LYPD6B: variants seen among roughly 807,000 people sequenced by gnomAD.
LYPD6B encodes ly6/PLAUR domain-containing protein 6B.
LYPD6B carries 17 observed loss-of-function variants against 22.8 expected under a neutral mutation model. The observed-to-expected ratio is 0.75, with a 90% CI of 0.51 to 1.12. LYPD6B has a LOEUF of 1.12. Among genes scored for constraint, LYPD6B ranks in the 50% most tolerant of loss-of-function variants. The pLI, the probability that LYPD6B is intolerant of heterozygous loss-of-function variation, is 0.00. For synonymous variants in LYPD6B, 106 were observed against 91.6 expected (o/e 1.16, Z -0.90); for missense variants, 221 against 258.3 (o/e 0.86, Z 0.99).
intron 2 of LYPD6B, among the ~76,000 whole-genome samples, chr2:149,146,237 G>C (rs1313415344): frequency 6.6e-6 from 1 of 152,216 alleles, no homozygotes; most frequent in East Asian, 1.9e-4. Context: ...AGAGTGGACT[G>C]TTCTGTGAAC....
chr2:149,096,469 G>C (rs1179510885), intron 1 of LYPD6B, among the ~76,000 whole-genome samples: 1 of 152,144 alleles, frequency 6.6e-6, no homozygotes, highest in Admixed American at 6.5e-5. Flanking sequence ...TACCCTATGG[G>C]TTAAATTTCT....
intron 3 of LYPD6B, among the ~76,000 whole-genome samples, chr2:149,195,311 A>G (rs1692739343): frequency 6.6e-6 from 1 of 152,198 alleles, no homozygotes; most frequent in African/African-American, 2.4e-5. Context: ...TGGAGTAGGC[A>G]TGGAAAGATT....
At chr2:149,074,025 C>T (rs1404765723) in intron 1 of LYPD6B, among the ~76,000 whole-genome samples, 1 of 152,166 alleles carries the variant, frequency 6.6e-6, no homozygotes, top group Admixed American at 6.5e-5. Flanking sequence ...CCCATACAAG[C>T]ATCTAAGGAT....
intron 3 of LYPD6B, among the ~76,000 whole-genome samples, chr2:149,163,281 G>T (rs536396432): frequency 6.6e-6 from 1 of 152,212 alleles, no homozygotes; most frequent in South Asian, 2.1e-4. Flanking sequence ...TTTAAGCAGG[G>T]AATTTTGTTT....
chr2:149,212,921 G>T (rs891859575), intron 5 of LYPD6B, 71 bp from the exon 6 acceptor site: 1 of 1,479,028 alleles, frequency 6.8e-7, no homozygotes, highest in African/African-American at 1.4e-5. Context: ...ATTGTTAAGA[G>T]ATCTCTTTTG....
intron 5 of LYPD6B, among the ~76,000 whole-genome samples, chr2:149,210,812 T>C (rs1490632933): frequency 3.9e-5 from 6 of 152,226 alleles, no homozygotes; most frequent in Non-Finnish European, 8.8e-5. Context: ...CTCCAGAACT[T>C]TTAGCGGCTC....
At chr2:149,214,512 T>A (rs1292404300) in intron 6 of LYPD6B, 34 bp from the exon 7 acceptor site, 2 of 1,604,008 alleles carry the variant, frequency 1.2e-6, no homozygotes, top group Non-Finnish European at 1.7e-6. Context: ...CTTCTATTAT[T>A]CACTGTCATT....
At chr2:149,129,918 G>A (rs1687921627) in intron 1 of LYPD6B, among the ~76,000 whole-genome samples, 1 of 96,818 alleles carries the variant, frequency 1.0e-5, no homozygotes, top group African/African-American at 3.9e-5. Context: ...TGGGAAGGAA[G>A]AAGGAGGAGG....
chr2:149,157,690 G>A (rs1397112906), intron 2 of LYPD6B, among the ~76,000 whole-genome samples: 1 of 152,180 alleles, frequency 6.6e-6, no homozygotes, highest in African/African-American at 2.4e-5. Flanking sequence ...ACACGTTGAA[G>A]GTGAAGACCA....
chr2:149,155,951 G>T (rs1332926967), intron 2 of LYPD6B, among the ~76,000 whole-genome samples: 15 of 152,188 alleles, frequency 9.9e-5, no homozygotes, highest in Admixed American at 8.5e-4. Context: ...TTTGTTGCTG[G>T]TAATCTCTTA....
intron 1 of LYPD6B, among the ~76,000 whole-genome samples, chr2:149,078,331 T>C (rs1558984547): frequency 1.3e-5 from 2 of 152,254 alleles, no homozygotes; most frequent in Non-Finnish European, 1.5e-5. Context: ...TGAAATGTTC[T>C]GTACATATAA....
chr2:149,061,606 G>C (rs546588386), intron 1 of LYPD6B, among the ~76,000 whole-genome samples: 1 of 152,128 alleles, frequency 6.6e-6, no homozygotes, highest in South Asian at 2.1e-4. Context: ...CAGTTCTCCT[G>C]GATTCCCCGG....
intron 2 of LYPD6B, among the ~76,000 whole-genome samples, chr2:149,152,284 A>C (rs754289708): frequency 2.8e-4 from 43 of 152,242 alleles, no homozygotes; most frequent in Non-Finnish European, 6.0e-4. Context: ...AATATTTATG[A>C]GTACATGTCA....
intron 1 of LYPD6B, among the ~76,000 whole-genome samples, chr2:149,124,675 T>C (rs1687583574): frequency 6.6e-6 from 1 of 152,242 alleles, no homozygotes; most frequent in South Asian, 2.1e-4. Flanking sequence ...AAATATTAGA[T>C]AGTTCATAAA....
chr2:149,101,378 GAA>G, intron 1 of LYPD6B: 1 of 152,366 alleles, frequency 6.6e-6, no homozygotes, highest in Non-Finnish European at 1.5e-5. Context: ...GCAGAAAATA[GAA>G]AGGAATTGGG....
At chr2:149,050,650 G>A (rs1285665162) in intron 1 of LYPD6B, among the ~76,000 whole-genome samples, 2 of 152,172 alleles carry the variant, frequency 1.3e-5, no homozygotes, top group African/African-American at 2.4e-5. Context: ...CCACAGAGGT[G>A]GTATTAGTGT....
At chr2:149,119,718 G>A (rs917132131) in intron 1 of LYPD6B, among the ~76,000 whole-genome samples, 1 of 152,192 alleles carries the variant, frequency 6.6e-6, no homozygotes, top group Non-Finnish European at 1.5e-5. Context: ...TCTCTTTAAG[G>A]AGGAGCATGA....
intron 1 of LYPD6B, among the ~76,000 whole-genome samples, chr2:149,063,013 C>CCT (rs140051333): frequency 6.6e-6 from 1 of 150,606 alleles, no homozygotes; most frequent in Non-Finnish European, 1.5e-5. Flanking sequence ...TCCCTTTCTC[C>CCT]CTCTCTCTCT....
chr2:149,126,581 G>T (rs1687709027), intron 1 of LYPD6B, among the ~76,000 whole-genome samples: 1 of 151,126 alleles, frequency 6.6e-6, no homozygotes, highest in Non-Finnish European at 1.5e-5. Context: ...AGGAGGAAAA[G>T]AAAGAGGAGG....
Sources: gnomAD v4.1 joint callset for allele counts (sites outside exome capture counted in the v4.1 genomes callset) on GRCh38, gnomAD v4.1.1 for gene constraint, MANE v1.5 for transcripts, NCBI Gene and HGNC (gene_info 2026-07-23, HGNC 2026-07-21) for gene names.